The following XKR5 variants were observed in gnomAD, a reference collection of about 807,000 sequenced individuals.
XKR5 encodes XK related 5.
In XKR5, 46 loss-of-function variants were observed where a neutral mutation model predicts 40.8. The ratio of observed to expected loss-of-function variants is 1.13; its 90% CI spans 0.89 to 1.44. The LOEUF (loss-of-function observed/expected upper bound fraction) is 1.44. Among genes scored for constraint, XKR5 ranks in the 40% most tolerant of loss-of-function variants. The pLI is 0.00. For synonymous variants in XKR5, 466 were observed against 356.1 expected, an observed-to-expected ratio of 1.31 and a Z score of -3.48; for missense variants, 1,169 against 844.7, an observed-to-expected ratio of 1.38 and a Z score of -4.76.
chr8:6,828,206 T>A (rs1804607088), intron 2 of XKR5, among the ~76,000 whole-genome samples: 1 of 152,056 alleles, frequency 6.6e-6, no homozygotes, highest in African/African-American at 2.4e-5. Context: ...GCTTGGGTAG[T>A]GGTGGAATCA....
intron 6 of XKR5, among the ~76,000 whole-genome samples, chr8:6,814,137 CG>C (rs1563347847): frequency 6.6e-6 from 1 of 152,190 alleles, no homozygotes; most frequent in Non-Finnish European, 1.5e-5. Flanking sequence ...GCTTCTCACC[CG>C]GGCAGCGCGA....
intron 6 of XKR5, among the ~76,000 whole-genome samples, chr8:6,814,994 G>T (rs903004560): frequency 3.3e-5 from 5 of 152,228 alleles, no homozygotes; most frequent in African/African-American, 1.2e-4. Context: ...ACAGAGAGCA[G>T]GCTCTGGAGG....
rs370215559 is a variant in XKR5, at chr8:6,821,854, A to G, written c.807+15T>C. On this transcript the variant is annotated intron_variant, in intron 5 of 6. Coordinates refer to ENST00000618742, the MANE Select transcript of XKR5 (RefSeq NM_207411.5). ...ATACACTGTAAAAGTTAGGATAAAG[A>G]AAAGTGCCACTTGCCATGTAGAACG... is the stretch of plus-strand genomic sequence containing the variant. 7 of 1,611,176 alleles carry G rather than the reference A, an allele frequency of 4.3e-6. No homozygotes were observed. The highest frequency in any genetic ancestry group is 4.5e-5 in the East Asian group (2 of 44,842).
rs1044901750 is a variant in XKR5 at position 6,832,041 on chromosome 8, C to G, written c.242+676G>C. 9.0e-4 allele frequency among the ~76,000 whole-genome samples: 123 copies of G among 136,752 alleles called. 1 individual carries two copies. Among genetic ancestry groups the G allele is most frequent in the African/African-American group, 3.2e-3 (119 of 36,850 alleles). The allele number at this position is 136,752 out of a possible 152,430, so 89.7% of individuals were successfully genotyped here. A position where few individuals can be genotyped will look rare whatever the true frequency, so the allele number is the denominator to read the frequency against. Reference sequence around the variant, plus strand: ...AAAAAAAAAAAAAAAAAAAACAAACCTAACAACCCAATGGAATTATGAGGC... The same window carrying G: ...AAAAAAAAAAAAAAAAAAAACAAACGTAACAACCCAATGGAATTATGAGGC... On this transcript the variant is annotated intron_variant, in intron 2 of 6. Transcript: ENST00000618742.
chr8:6,811,658 C>T lies in XKR5; in HGVS notation c.1601G>A (p.Gly534Glu). ...CAACGTGGAACTCTGCTGTCCTTCC[C>T]CTCCTCTCTGCTGCCCACCTGTCCC... ...GKGTGGQQRG[G>E]EGQQSSTLYF... is the part of the protein sequence containing the mutation. The change falls in exon 7 of 7, where the codon GGG (glycine) becomes GAG (glutamate). Residue 534 changes from glycine (G) to glutamate (E), a missense_variant. By Grantham distance (98) the Gly-to-Glu change is moderately conservative. Coordinates refer to ENST00000618742, the MANE Select transcript of XKR5 (RefSeq NM_207411.5). 2.0e-6 allele frequency: 3 copies of T among 1,537,662 alleles called. No individual in the cohort carries two copies. The highest frequency in any genetic ancestry group is 2.6e-6 in the Non-Finnish European group (3 of 1,147,028).
intron 6 of XKR5, among the ~76,000 whole-genome samples, chr8:6,814,198 C>T (rs1803860053): frequency 6.6e-6 from 1 of 152,214 alleles, no homozygotes; most frequent in Non-Finnish European, 1.5e-5. Flanking sequence ...GCTTAGAAAT[C>T]AATGCTCTGC....
chr8:6,833,560 C>A (rs1210356126), intron 1 of XKR5, among the ~76,000 whole-genome samples: 1 of 152,182 alleles, frequency 6.6e-6, no homozygotes, highest in East Asian at 1.9e-4. Flanking sequence ...ACTAAAAATA[C>A]AAAAATGAGC....
Position 6,835,482 on chromosome 8 carries a change from C to T in XKR5, c.12G>A (p.Arg4=). The change falls in exon 1 of 7, where the codon AGG becomes AGA. Residue 4 remains arginine (R), a synonymous_variant. Transcript: ENST00000618742. ...GCAGCAGGGCCGAGAGCCCCAGGAG[C>T]CTCGCGTGCATCTTCCGTGCCGACC... MHA[R]LLGLSALLQA... is the part of the protein sequence containing the mutation. The T allele has an allele frequency of 1.3e-6, 2 of 1,502,536 alleles. No homozygotes were observed. The highest frequency in any genetic ancestry group is 2.5e-5 in the South Asian group (2 of 80,272). 93.1% of individuals were successfully genotyped at this position (1,502,536 alleles called of 1,614,324 possible). A position where few individuals can be genotyped will look rare whatever the true frequency, so the allele number is the denominator to read the frequency against.
intron 5 of XKR5, among the ~76,000 whole-genome samples, chr8:6,818,487 C>A (rs1286226887): frequency 1.3e-5 from 2 of 152,240 alleles, no homozygotes; most frequent in Admixed American, 6.5e-5. Context: ...GGAGGAAGCT[C>A]AATGTGTGCT....
chr8:6,835,328 C>T, intron 1 of XKR5, 108 bp downstream of exon 1: 1 of 1,164,408 alleles, frequency 8.6e-7, no homozygotes, highest in Non-Finnish European at 1.1e-6. Flanking sequence ...GTGCTGGGCG[C>T]AGGCTGGGGC....
chr8:6,827,362 C>T (rs1804542864), intron 2 of XKR5, among the ~76,000 whole-genome samples: 1 of 152,204 alleles, frequency 6.6e-6, no homozygotes, highest in Non-Finnish European at 1.5e-5. Context: ...TCTCGAAGGT[C>T]ACCTGCAAAA....
At chr8:6,820,649 T>C (rs2117095038) in intron 5 of XKR5, among the ~76,000 whole-genome samples, 1 of 152,336 alleles carries the variant, frequency 6.6e-6, no homozygotes, top group East Asian at 1.9e-4. Flanking sequence ...ACCTGGGCCC[T>C]GCCACAAGTG....
intron 6 of XKR5, among the ~76,000 whole-genome samples, chr8:6,812,600 C>A (rs1466110522): frequency 6.6e-6 from 1 of 152,186 alleles, no homozygotes; most frequent in African/African-American, 2.4e-5. Flanking sequence ...GTCTTGAGGG[C>A]AGCTCCAGTT....
intron 4 of XKR5, 131 bp from the exon 5 acceptor site, chr8:6,822,169 C>T (rs1804271002): frequency 4.6e-6 from 4 of 868,020 alleles, no homozygotes; most frequent in Middle Eastern, 3.5e-4. Context: ...GATATCAAAA[C>T]CCAGAAGAGA....
In XKR5 at chr8:6,811,774, CTGCTGATCGCTGGCAAAAGA is replaced by C. The variant is rs1424496130; in HGVS notation, c.1465_1484del (p.Ser489GlyfsTer2). The C allele has an allele frequency of 1.3e-6, 2 of 1,537,524 alleles. No homozygotes were observed. Among genetic ancestry groups the C allele is most frequent in the Admixed American group, 3.9e-5 (2 of 50,982 alleles). On this transcript the variant is annotated frameshift_variant, in exon 7 of 7. Transcript: ENST00000618742. LOFTEE classifies it low-confidence loss of function (END_TRUNC). ...CTGGGTTCTGGGTAGGTGCTTCATC[CTGCTGATCGCTGGCAAAAGA>C]TACGTAACTTGAGGTTTCCAATGGG...
chr8:6,814,156 A>T lies in XKR5; in HGVS notation c.919+1651T>A, dbSNP rs116365832. On this transcript the variant is annotated intron_variant, in intron 6 of 6. Coordinates refer to ENST00000618742, the MANE Select transcript of XKR5 (RefSeq NM_207411.5). ...CTCACCCGGGCAGCGCGATGTCCTC[A>T]GTTTCCCATAGGCCATTTATCCACA... Among the ~76,000 whole-genome samples the T allele has an allele frequency of 6.0e-3, 916 of 152,360 alleles. 11 individuals carry two copies. Among genetic ancestry groups the T allele is most frequent in the African/African-American group, 0.021 (866 of 41,584 alleles).
At chr8:6,817,363 T>C (rs2117087910) in intron 5 of XKR5, among the ~76,000 whole-genome samples, 2 of 152,164 alleles carry the variant, frequency 1.3e-5, no homozygotes, top group South Asian at 4.2e-4. Flanking sequence ...TCCAGCATGC[T>C]CTTCCCAAAC....
intron 5 of XKR5, among the ~76,000 whole-genome samples, chr8:6,816,381 C>G (rs1208029809): frequency 6.6e-6 from 1 of 152,086 alleles, no homozygotes; most frequent in Non-Finnish European, 1.5e-5. Context: ...GATTTTGTTT[C>G]CTTAAAATAA....
At chr8:6,830,822 G>A (rs1490988686) in intron 2 of XKR5, among the ~76,000 whole-genome samples, 1 of 151,982 alleles carries the variant, frequency 6.6e-6, no homozygotes, top group Non-Finnish European at 1.5e-5. Flanking sequence ...AGAAAATCAT[G>A]GCATCACTTA....
Sources: allele counts gnomAD v4.1 joint callset (sites outside exome capture counted in the v4.1 genomes callset), GRCh38; gene constraint gnomAD v4.1.1; transcripts MANE v1.5; gene names NCBI Gene and HGNC (gene_info 2026-07-23, HGNC 2026-07-21).